The following DIPK1A variants were observed in gnomAD, a reference collection of about 807,000 sequenced individuals.
DIPK1A encodes family with sequence similarity 69 member A.
In DIPK1A, 27 loss-of-function variants were observed where a neutral mutation model predicts 40.8. The ratio of observed to expected loss-of-function variants is 0.66; its 90% confidence interval spans 0.49 to 0.91. The LOEUF (loss-of-function observed/expected upper bound fraction) is 0.91, where lower values mean the gene tolerates loss of function less well. Ranked by LOEUF, DIPK1A falls within the 40% of genes least tolerant of loss-of-function variation. DIPK1A has a pLI of 0.00. For missense variants in DIPK1A, 412 were observed against 505.7 expected, an observed-to-expected ratio of 0.81 and a Z score of 1.78; for synonymous variants, 166 against 171.3, an observed-to-expected ratio of 0.97 and a Z score of 0.24.
At chr1:92,871,983 A>ATTTTTTT (rs1247574417) in intron 2 of DIPK1A, among the ~76,000 whole-genome samples, 1 of 151,140 alleles carries the variant, frequency 6.6e-6, no homozygotes, top group Non-Finnish European at 1.5e-5. Context: ...TATACCCAGA[A>ATTTTTTT]GTGGATTTAC....
At chr1:92,837,719 T>A (rs1285507428), downstream of DIPK1A, 4 of 1,074,304 alleles carry the variant, frequency 3.7e-6, no homozygotes, top group Non-Finnish European at 4.2e-6. Flanking sequence ...AACATTCTTA[T>A]ATAGGTGTGT....
chr1:92,878,307 G>A (rs1275949798), intron 1 of DIPK1A, among the ~76,000 whole-genome samples: 1 of 152,154 alleles, frequency 6.6e-6, no homozygotes, highest in Non-Finnish European at 1.5e-5. Context: ...CACTTTCGGA[G>A]GCTGAGGTAG....
rs1194051009 is a variant in DIPK1A at position 92,880,103 on chromosome 1, T to C, written c.55-3673A>G. 2.6e-5 allele frequency among the ~76,000 whole-genome samples: 4 copies of C among 152,174 alleles called. No homozygotes were observed. In the East Asian group the frequency reaches 5.8e-4, roughly 22 times the overall value. On this transcript the variant is annotated intron_variant, in intron 1 of 4. Coordinates refer to ENST00000370310, the MANE Select transcript of DIPK1A (RefSeq NM_001006605.5). ...AGGCTGCTACTGAAATCTTGTGGGG[T>C]AGCAGCCAGAGATGCTGCTAAACAT...
At chr1:92,901,708 T>C (rs1338864593) in intron 1 of DIPK1A, among the ~76,000 whole-genome samples, 2 of 152,108 alleles carry the variant, frequency 1.3e-5, no homozygotes, top group Non-Finnish European at 2.9e-5. Flanking sequence ...GATTCTGTGA[T>C]GCCAGGTGCA....
intron 1 of DIPK1A, among the ~76,000 whole-genome samples, chr1:92,881,349 G>T (rs1401199542): frequency 1.5e-5 from 2 of 132,758 alleles, no homozygotes; most frequent in African/African-American, 5.6e-5. Flanking sequence ...AAAAAAAAAG[G>T]CATTATGAGT....
At chr1:92,893,162 A>G (rs1434806868) in intron 1 of DIPK1A, among the ~76,000 whole-genome samples, 4 of 151,198 alleles carry the variant, frequency 2.6e-5, no homozygotes, top group Admixed American at 1.3e-4. Context: ...CGCCACAAAG[A>G]TACTCCTCGA....
chr1:92,870,075 TACACACACACACAC>T (rs3221733), intron 2 of DIPK1A, among the ~76,000 whole-genome samples: 3 of 66,364 alleles, frequency 4.5e-5, no homozygotes, highest in African/African-American at 7.3e-5. Context: ...GAATTATATA[TACACACACACACAC>T]ACACACACAC....
chr1:92,885,821 T>C (rs1167655768), intron 1 of DIPK1A, among the ~76,000 whole-genome samples: 3 of 152,188 alleles, frequency 2.0e-5, no homozygotes, highest in Non-Finnish European at 2.9e-5. Flanking sequence ...CAGATTGTTA[T>C]GCCCAGTGGA....
chr1:92,835,165 T>C (rs1687068759), intron 4 of DIPK1A: 1 of 548,028 alleles, frequency 1.8e-6, no homozygotes, highest in Non-Finnish European at 3.3e-6. Context: ...GTTCCAGCAG[T>C]ATGTAAACTT....
chr1:92,890,635 T>C (rs1648824532), intron 1 of DIPK1A, among the ~76,000 whole-genome samples: 1 of 152,266 alleles, frequency 6.6e-6, no homozygotes, highest in Non-Finnish European at 1.5e-5. Context: ...TTGTGTACGT[T>C]GACCTATCTT....
Position 92,842,988 on chromosome 1 carries a change from A to G in DIPK1A, c.*395T>C. 1 of 994,108 alleles carries G rather than the reference A, an allele frequency of 1.0e-6. No homozygotes were observed. The highest frequency in any genetic ancestry group is 1.2e-6 in the Non-Finnish European group (1 of 835,586). The allele number at this position is 994,108 out of a possible 1,614,324, so 61.6% of individuals were successfully genotyped here. On this transcript the variant is annotated 3_prime_UTR_variant, in exon 5 of 5. Coordinates refer to ENST00000370310, the MANE Select transcript of DIPK1A (RefSeq NM_001006605.5). The stretch of plus-strand genomic sequence containing the variant: ...CTTTACCATGCTAAGACATTAGTAA[A>G]TTTATAAATTTTCTTGTTGAACAGC...
chr1:92,842,595 ATTT>A lies in DIPK1A; in HGVS notation c.*785_*787del. ...ATTACTAAAAAGTCTGCTATAATTT[ATTT>A]TAGTCTTGCACTTACAGTCCCACTT... is the stretch of plus-strand genomic sequence containing the variant. On this transcript the variant is annotated 3_prime_UTR_variant, in exon 5 of 5. Transcript: ENST00000370310. 1.1e-6 allele frequency: 1 copy of A among 946,542 alleles called. No homozygotes were observed. Among genetic ancestry groups the A allele is most frequent in the East Asian group, 1.7e-4 (1 of 5,754 alleles). 58.6% of individuals were successfully genotyped at this position (946,542 alleles called of 1,614,324 possible). A position where few individuals can be genotyped will look rare whatever the true frequency, so the allele number is the denominator to read the frequency against.
At chr1:92,957,506 T>C (rs1651901508) in intron 1 of DIPK1A, among the ~76,000 whole-genome samples, 1 of 152,234 alleles carries the variant, frequency 6.6e-6, no homozygotes, top group Non-Finnish European at 1.5e-5. Flanking sequence ...CATGAGAAGC[T>C]TGTTGCTCAG....
At chr1:92,961,326 C>T (rs1298741633) in intron 1 of DIPK1A, 50 bp downstream of exon 1, 2 of 1,406,092 alleles carry the variant, frequency 1.4e-6, no homozygotes, top group Admixed American at 2.2e-5. Context: ...CGCGGCAGGG[C>T]ACACGGCCGG....
At chr1:92,870,073 TATACACACACACACACAC>T (rs1402781823) in intron 2 of DIPK1A, among the ~76,000 whole-genome samples, 7 of 143,750 alleles carry the variant, frequency 4.9e-5, no homozygotes, top group Middle Eastern at 7.1e-3. Flanking sequence ...ATGAATTATA[TATACACACACACACACAC>T]ACACACACAC....
At chr1:92,904,089 A>G (rs1306715629) in intron 1 of DIPK1A, among the ~76,000 whole-genome samples, 1 of 152,198 alleles carries the variant, frequency 6.6e-6, no homozygotes, top group Non-Finnish European at 1.5e-5. Flanking sequence ...TTCTCTCTTA[A>G]ATTCCAAAGA....
chr1:92,949,332 T>A (rs554406665), intron 1 of DIPK1A, among the ~76,000 whole-genome samples: 1 of 152,138 alleles, frequency 6.6e-6, no homozygotes, highest in African/African-American at 2.4e-5. Flanking sequence ...TGGAGTGCAA[T>A]GGCGCAATCT....
intron 1 of DIPK1A, among the ~76,000 whole-genome samples, chr1:92,949,821 T>A (rs892329562): frequency 1.3e-5 from 2 of 152,216 alleles, no homozygotes; most frequent in African/African-American, 2.4e-5. Flanking sequence ...TTCTTTCAGA[T>A]AAGGAATTAG....
chr1:92,951,148 A>G (rs184305327), intron 1 of DIPK1A, among the ~76,000 whole-genome samples: 266 of 152,324 alleles, frequency 1.7e-3, no homozygotes, highest in Non-Finnish European at 2.8e-3. Flanking sequence ...ATCCAACGCA[A>G]TCATACGAGC....
Sources: gnomAD v4.1 joint callset for allele counts (sites outside exome capture counted in the v4.1 genomes callset) on GRCh38, gnomAD v4.1.1 for gene constraint, MANE v1.5 for transcripts, NCBI Gene and HGNC (gene_info 2026-07-23, HGNC 2026-07-21) for gene names.